SMARCB1: variants seen among roughly 807,000 people sequenced by gnomAD.
SMARCB1 encodes SWI/SNF related BAF chromatin remodeling complex subunit B1.
In SMARCB1, 5 loss-of-function variants were observed where a neutral mutation model predicts 49.0. The ratio of observed to expected loss-of-function variants is 0.10; its 90% CI spans 0.05 to 0.21. SMARCB1 has a LOEUF of 0.21. Among genes scored for constraint, SMARCB1 ranks in the 10% least tolerant of loss-of-function variants. The probability of loss-of-function intolerance (pLI) is 1.00; values close to 1 mark genes in which losing one functional copy is unlikely to be tolerated. For missense variants in SMARCB1, 226 were observed against 509.2 expected (o/e 0.44, Z 5.35); for synonymous variants, 201 against 200.1 (o/e 1.00, Z -0.04).
rs1330643164 is a variant in SMARCB1, at chr22:23,835,685, G to C, written c.*1505G>C. 7 of 985,432 alleles carry C rather than the reference G, an allele frequency of 7.1e-6. No individual in the cohort carries two copies. Among genetic ancestry groups the C allele is most frequent in the Non-Finnish European group, 8.4e-6 (7 of 829,980 alleles). 61.0% of individuals were successfully genotyped at this position (985,432 alleles called of 1,614,324 possible). On this transcript the variant is annotated 3_prime_UTR_variant, in exon 9 of 9. Coordinates refer to ENST00000644036, the MANE Select transcript of SMARCB1 (RefSeq NM_003073.5). ...AAGATTCCCAGCCCAGCTGCTCTTA[G>C]ACATGAACAGGTTTCATTGCTGAGG...
intron 6 of SMARCB1, chr22:23,825,016 G>A (rs1306868395): frequency 1.6e-6 from 1 of 612,290 alleles, no homozygotes; most frequent in African/African-American, 1.8e-5. Flanking sequence ...GACTGTGCTG[G>A]GCCCTGAGCC....
chr22:23,797,427 G>A lies in SMARCB1; in HGVS notation c.363-3517G>A, dbSNP rs1928836905. The stretch of plus-strand genomic sequence containing the variant: ...AGGTTCACACCATTCTCCTGCCTCA[G>A]CCTCCCGAGTAGCTGGAACTACAGG... On this transcript the variant is annotated intron_variant, in intron 3 of 8. Coordinates refer to ENST00000644036, the MANE Select transcript of SMARCB1 (RefSeq NM_003073.5). 2.6e-5 allele frequency among the ~76,000 whole-genome samples: 4 copies of A among 151,472 alleles called. No individual in the cohort carries two copies. In the South Asian group the frequency reaches 8.4e-4, roughly 32 times the overall value.
At position 23,787,133 on chromosome 22, in the gene SMARCB1, C is replaced by G; in HGVS notation, c.-37C>G. 7.1e-7 allele frequency: 1 copy of G among 1,400,712 alleles called. No homozygotes were observed. The highest frequency in any genetic ancestry group is 1.0e-6 in the Non-Finnish European group (1 of 989,666). 86.8% of individuals were successfully genotyped at this position (1,400,712 alleles called of 1,614,324 possible). ...CCCCGCCCCAGCCCTCCTGATCCCTCGCAGCCCGGCTCCGGCCGCCCGCCT... is the reference window on the plus strand; with the variant it reads ...CCCCGCCCCAGCCCTCCTGATCCCTGGCAGCCCGGCTCCGGCCGCCCGCCT... On this transcript the variant is annotated 5_prime_UTR_variant, in exon 1 of 9. Transcript: ENST00000644036.
intron 1 of SMARCB1, among the ~76,000 whole-genome samples, chr22:23,790,088 G>C (rs34174598): frequency 0.047 from 7,125 of 152,222 alleles, 537 homozygotes; most frequent in African/African-American, 0.16. Flanking sequence ...GAGGGTGAAG[G>C]CTGGTTCAGA....
At chr22:23,809,729 C>T (rs1472757839) in intron 5 of SMARCB1, among the ~76,000 whole-genome samples, 3 of 151,734 alleles carry the variant, frequency 2.0e-5, no homozygotes, top group African/African-American at 7.3e-5. Flanking sequence ...GTAGATTTCT[C>T]ATGAGAAACT....
chr22:23,830,649 C>CTTTTTTTTTTTTTTT (rs56800497), intron 7 of SMARCB1, among the ~76,000 whole-genome samples: 11 of 95,422 alleles, frequency 1.2e-4, no homozygotes, highest in East Asian at 3.8e-4. Flanking sequence ...TCCAATTTAT[C>CTTTTTTTTTTTTTTT]TTTTTTTTTT....
In SMARCB1 at chr22:23,836,168, C is replaced by T. The variant is rs2031031959; in HGVS notation, c.*1988C>T. On this transcript the variant is annotated 3_prime_UTR_variant, in exon 9 of 9. Coordinates refer to ENST00000644036, the MANE Select transcript of SMARCB1 (RefSeq NM_003073.5). The stretch of plus-strand genomic sequence containing the variant: ...CAGAAGTCCCTGCCTCACCCAGTCT[C>T]AGAACTCTGCTAAGGTGAAAACTTA... 7.1e-6 allele frequency: 7 copies of T among 985,360 alleles called. No individual in the cohort carries two copies. The South Asian group carries it at 3.3e-4, about 46-fold the overall frequency. The allele number at this position is 985,360 out of a possible 1,614,324, so 61.0% of individuals were successfully genotyped here.
rs939753710 is a variant in SMARCB1, at chr22:23,834,563, A to G, written c.*383A>G. On this transcript the variant is annotated 3_prime_UTR_variant, in exon 9 of 9. Coordinates refer to ENST00000644036, the MANE Select transcript of SMARCB1 (RefSeq NM_003073.5). ...AAAGTTTTAACATAAAAATAATGAG[A>G]GCCAGGAGTGGGGCCGGGGCCTGGG... The G allele has an allele frequency of 1.4e-6, 1 of 701,130 alleles. No homozygotes were observed. The highest frequency in any genetic ancestry group is 2.6e-6 in the Non-Finnish European group (1 of 386,096). The allele number at this position is 701,130 out of a possible 1,614,324, so 43.4% of individuals were successfully genotyped here.
chr22:23,816,804 C>T lies in SMARCB1; in HGVS notation c.663C>T (p.Ile221=), dbSNP rs1406367876. ...TGACGCCTGAGATGTTTTCAGAAAT[C>T]CTCTGTGACGATCTGGATTTGAACC... is the stretch of plus-strand genomic sequence containing the variant. ...KLMTPEMFSE[I]LCDDLDLNPL... The change falls in exon 6 of 9, where the codon ATC becomes ATT. Residue 221 remains isoleucine, a synonymous_variant. Transcript: ENST00000644036. 6.2e-7 allele frequency: 1 copy of T among 1,614,070 alleles called. No homozygotes were observed. The highest frequency in any genetic ancestry group is 1.1e-5 in the South Asian group (1 of 91,088).
chr22:23,834,745 T>G lies in SMARCB1; in HGVS notation c.*565T>G. The G allele has an allele frequency of 1.7e-4, 260 of 1,494,714 alleles. No individual in the cohort carries two copies. The highest frequency in any genetic ancestry group is 2.1e-4 in the Non-Finnish European group (236 of 1,121,188). 92.6% of individuals were successfully genotyped at this position (1,494,714 alleles called of 1,614,324 possible). ...TGTTCTCCTTCCAGACCCAGAGAGC[T>G]GAGAAGAGTAGCTGTGAGGCTCAGG... On this transcript the variant is annotated 3_prime_UTR_variant, in exon 9 of 9. Transcript: ENST00000644036.
intron 5 of SMARCB1, 72 bp from the exon 6 acceptor site, chr22:23,816,698 G>T (rs567421781): frequency 4.9e-6 from 7 of 1,416,888 alleles, no homozygotes; most frequent in Non-Finnish European, 6.9e-6. Flanking sequence ...CAAAGAAGAA[G>T]GGGTGAGGGA....
intron 6 of SMARCB1, among the ~76,000 whole-genome samples, chr22:23,821,497 G>T (rs2030084683): frequency 6.6e-6 from 1 of 151,962 alleles, no homozygotes; most frequent in Non-Finnish European, 1.5e-5. Context: ...GGCCTCCTGA[G>T]TAGTTGGAAC....
chr22:23,793,061 G>A (rs899995772), intron 2 of SMARCB1: 6 of 230,998 alleles, frequency 2.6e-5, no homozygotes, highest in African/African-American at 1.1e-4. Context: ...TTGGTGTGAA[G>A]CAGCTCTTTC....
intron 5 of SMARCB1, among the ~76,000 whole-genome samples, chr22:23,812,747 C>A (rs34642357): frequency 0.031 from 4,762 of 151,788 alleles, 129 homozygotes; most frequent in East Asian, 0.12. Context: ...TCAGTTGATA[C>A]AGAAAAAGCA....
At chr22:23,811,248 A>G (rs1385575326) in intron 5 of SMARCB1, among the ~76,000 whole-genome samples, 1 of 152,232 alleles carries the variant, frequency 6.6e-6, no homozygotes, top group Non-Finnish European at 1.5e-5. Flanking sequence ...GTGAAACAGT[A>G]TCAGATAGAA....
At chr22:23,789,820 G>A (rs905055494) in intron 1 of SMARCB1, among the ~76,000 whole-genome samples, 9 of 152,156 alleles carry the variant, frequency 5.9e-5, no homozygotes, top group Admixed American at 3.3e-4. Context: ...GTGGATGGAC[G>A]GTCTCAGCCC....
chr22:23,823,260 T>TG (rs1219254666), intron 6 of SMARCB1: 4 of 152,342 alleles, frequency 2.6e-5, no homozygotes, highest in African/African-American at 9.7e-5. Flanking sequence ...GAGGGCTTGC[T>TG]GGGTGGGAGC....
intron 5 of SMARCB1, chr22:23,815,814 T>G (rs1396189295): frequency 6.6e-6 from 1 of 152,240 alleles, no homozygotes; most frequent in African/African-American, 2.4e-5. Flanking sequence ...TGGAGGAAAC[T>G]GGGCGCAGTG....
intron 1 of SMARCB1, among the ~76,000 whole-genome samples, chr22:23,791,494 G>A (rs547919537): frequency 1.7e-4 from 26 of 152,376 alleles, no homozygotes; most frequent in African/African-American, 6.2e-4. Context: ...TTCTTGCTAA[G>A]CTCTGGGGGC....
Sources: gnomAD v4.1 joint callset for allele counts (sites outside exome capture counted in the v4.1 genomes callset) on GRCh38, gnomAD v4.1.1 for gene constraint, MANE v1.5 for transcripts, NCBI Gene and HGNC (gene_info 2026-07-23, HGNC 2026-07-21) for gene names.